FAM185A: variants seen among roughly 807,000 people sequenced by gnomAD.
FAM185A encodes the protein protein FAM185A.
A neutral mutation model predicts 45.7 loss-of-function variants in FAM185A; 21 were observed. The observed-to-expected ratio is 0.46, with a 90% CI of 0.33 to 0.66. The LOEUF is 0.66. Among genes scored for constraint, FAM185A ranks in the 30% least tolerant of loss-of-function variants. The probability of loss-of-function intolerance (pLI) is 0.03; values close to 1 mark genes in which losing one functional copy is unlikely to be tolerated. For synonymous variants in FAM185A, 117 were observed against 194.0 expected (o/e 0.60, Z 3.30); for missense variants, 305 against 485.4 (o/e 0.63, Z 3.49).
the FAM185A span, among the ~76,000 whole-genome samples, chr7:102,827,649 T>C: frequency 6.6e-6 from 1 of 152,018 alleles, no homozygotes; most frequent in Non-Finnish European, 1.5e-5. Flanking sequence ...TAACATTAGG[T>C]ATATCTCGTA....
At chr7:102,790,516 T>G (rs1796082277) in intron 7 of FAM185A, among the ~76,000 whole-genome samples, 1 of 152,198 alleles carries the variant, frequency 6.6e-6, no homozygotes, top group African/African-American at 2.4e-5. Context: ...AATAATAAAG[T>G]TTGTTTAACT....
chr7:102,809,364 A>G (rs1203146398), downstream of FAM185A: 1 of 152,150 alleles, frequency 6.6e-6, no homozygotes, highest in African/African-American at 2.4e-5. Flanking sequence ...TATGAATTCC[A>G]TTTCTTTCAA....
intron 7 of FAM185A, among the ~76,000 whole-genome samples, chr7:102,802,962 C>G (rs952838512): frequency 6.6e-6 from 1 of 151,938 alleles, no homozygotes; most frequent in African/African-American, 2.4e-5. Flanking sequence ...TGGAAAGATA[C>G]AAACTTCCTA....
the FAM185A span, among the ~76,000 whole-genome samples, chr7:102,834,032 T>TGAAGGAAGGAAG: frequency 5.2e-3 from 393 of 75,446 alleles, 7 homozygotes; most frequent in African/African-American, 8.8e-3. Flanking sequence ...GAAACCATGA[T>TGAAGGAAGGAAG]GAAGGAAGGA....
intron 1 of FAM185A, among the ~76,000 whole-genome samples, chr7:102,750,531 T>C (rs1259472479): frequency 1.3e-5 from 2 of 152,194 alleles, no homozygotes; most frequent in African/African-American, 2.4e-5. Flanking sequence ...CACAGTAATA[T>C]AACTTTTATT....
At chr7:102,791,126 G>A (rs1796116299) in intron 7 of FAM185A, among the ~76,000 whole-genome samples, 2 of 152,088 alleles carry the variant, frequency 1.3e-5, no homozygotes, top group Non-Finnish European at 2.9e-5. Flanking sequence ...TGGAGAGTTT[G>A]GGAGAGGTCA....
chr7:102,821,193 C>A, the FAM185A span, among the ~76,000 whole-genome samples: 34 of 152,254 alleles, frequency 2.2e-4, no homozygotes, highest in East Asian at 1.2e-3. Context: ...TAGCAGTATT[C>A]ATATCAGAGT....
chr7:102,782,816 T>A (rs1175713581), intron 6 of FAM185A, among the ~76,000 whole-genome samples: 1 of 152,092 alleles, frequency 6.6e-6, no homozygotes, highest in Non-Finnish European at 1.5e-5. Context: ...ACCTTAAATG[T>A]AAATGGGCTA....
At chr7:102,835,056 G>A in the FAM185A span, among the ~76,000 whole-genome samples, 8 of 152,170 alleles carry the variant, frequency 5.3e-5, no homozygotes, top group African/African-American at 7.2e-5. Context: ...ATGCACAAAT[G>A]TATTGTACTT....
chr7:102,831,431 A>ACCCC, the FAM185A span, among the ~76,000 whole-genome samples: 8 of 147,126 alleles, frequency 5.4e-5, no homozygotes, highest in African/African-American at 2.0e-4. Context: ...ACACACACAC[A>ACCCC]CCCCACTACA....
At chr7:102,813,250 T>C (rs752040804), downstream of FAM185A, 42 of 1,157,142 alleles carry the variant, frequency 3.6e-5, no homozygotes, top group Non-Finnish European at 4.6e-5. Flanking sequence ...GTTTACATTG[T>C]TATTGAGATT....
the FAM185A span, chr7:102,827,209 C>T: frequency 0.02 from 9,022 of 447,764 alleles, 415 homozygotes; most frequent in East Asian, 0.16. Context: ...AGCTAGCTTG[C>T]TGGAGGATGA....
chr7:102,813,066 C>T (rs903350256), downstream of FAM185A, among the ~76,000 whole-genome samples: 3 of 152,122 alleles, frequency 2.0e-5, no homozygotes, highest in South Asian at 6.2e-4. Flanking sequence ...TGGTCTTGAA[C>T]TCCTGACTTA....
At chr7:102,812,913 G>T (rs1480513329), downstream of FAM185A, among the ~76,000 whole-genome samples, 1 of 150,306 alleles carries the variant, frequency 6.7e-6, no homozygotes, top group Non-Finnish European at 1.5e-5. Flanking sequence ...CGTGATCTAG[G>T]CTCACTGCAA....
chr7:102,845,574 C>T, the FAM185A span, among the ~76,000 whole-genome samples: 51 of 152,266 alleles, frequency 3.3e-4, no homozygotes, highest in Admixed American at 2.6e-4. Flanking sequence ...GCATGGACAT[C>T]GTCTTTAACC....
At chr7:102,787,160 A>G (rs1029229911) in intron 6 of FAM185A, among the ~76,000 whole-genome samples, 175 bp from the exon 7 acceptor site, 11 of 152,192 alleles carry the variant, frequency 7.2e-5, no homozygotes, top group African/African-American at 2.7e-4. Context: ...GAATGCCTTG[A>G]GAGTAAGGGA....
At chr7:102,796,336 G>A (rs1267498215) in intron 7 of FAM185A, among the ~76,000 whole-genome samples, 1 of 152,248 alleles carries the variant, frequency 6.6e-6, no homozygotes, top group Admixed American at 6.5e-5. Flanking sequence ...TTATCCGCAG[G>A]AGCAATTTGG....
At chr7:102,782,567 A>T (rs6465872) in intron 6 of FAM185A, among the ~76,000 whole-genome samples, 1 of 151,822 alleles carries the variant, frequency 6.6e-6, no homozygotes, top group African/African-American at 2.4e-5. Flanking sequence ...ATAAGTGAAG[A>T]AGAAATAAAA....
the FAM185A span, among the ~76,000 whole-genome samples, chr7:102,823,336 C>T: frequency 6.6e-6 from 1 of 152,054 alleles, no homozygotes; most frequent in Non-Finnish European, 1.5e-5. Context: ...TGCAGACAGC[C>T]TCATATTACT....
Sources: allele counts gnomAD v4.1 joint callset (sites outside exome capture counted in the v4.1 genomes callset), GRCh38; gene constraint gnomAD v4.1.1; transcripts MANE v1.5; gene names NCBI Gene and HGNC (gene_info 2026-07-23, HGNC 2026-07-21).